The following FAM107B variants were observed in gnomAD, a reference collection of about 807,000 sequenced individuals.
FAM107B encodes the protein protein FAM107B.
Under a neutral mutation model 31.5 loss-of-function variants are expected in FAM107B, and 21 were observed. The ratio of observed to expected loss-of-function variants is 0.67; its 90% confidence interval spans 0.47 to 0.96. The LOEUF (loss-of-function observed/expected upper bound fraction) is 0.96. FAM107B is among the 40% of genes least tolerant of loss of function. The pLI, the probability that FAM107B is intolerant of heterozygous loss-of-function variation, is 0.00. For synonymous variants in FAM107B, 157 were observed against 141.5 expected (o/e 1.11, Z -0.78); for missense variants, 452 against 377.1 (o/e 1.20, Z -1.64).
chr10:14,545,886 C>T (rs11259175), intron 2 of FAM107B, among the ~76,000 whole-genome samples: 9,950 of 152,184 alleles, frequency 0.065, 435 homozygotes, highest in East Asian at 0.22. Flanking sequence ...TCTCAGGAAA[C>T]TACAAAGAGG....
At chr10:14,701,232 T>C (rs1241941230) in intron 1 of FAM107B, among the ~76,000 whole-genome samples, 2 of 152,028 alleles carry the variant, frequency 1.3e-5, no homozygotes, top group Non-Finnish European at 2.9e-5. Context: ...ATTATTTATT[T>C]CTTATTTTTA....
rs1051135576 is a variant in FAM107B, at chr10:14,690,474, G to A, written c.412-22783C>T. ...TTTTTTTATTTTTTTATTTTTTTGA[G>A]ATGGAGTCTCGCTCTGTCGCCCAGG... On this transcript the variant is annotated intron_variant, in intron 1 of 4. Coordinates refer to ENST00000181796, the MANE Select transcript of FAM107B (RefSeq NM_031453.4). Among the ~76,000 whole-genome samples, 9 of 151,220 alleles carry A rather than the reference G, an allele frequency of 6.0e-5. No homozygotes were observed. The South Asian group carries it at 8.4e-4, about 14-fold the overall frequency.
At chr10:14,648,039 G>T (rs1853803855) in intron 2 of FAM107B, among the ~76,000 whole-genome samples, 1 of 151,028 alleles carries the variant, frequency 6.6e-6, no homozygotes, top group Non-Finnish European at 1.5e-5. Flanking sequence ...TTCTTAAGAG[G>T]TTTAGCATAT....
chr10:14,559,810 C>A (rs938618040), intron 2 of FAM107B, among the ~76,000 whole-genome samples: 3 of 151,174 alleles, frequency 2.0e-5, no homozygotes, highest in African/African-American at 4.9e-5. Context: ...ACCTCGTGAT[C>A]CGCCCGTCTT....
At chr10:14,594,748 T>C (rs1039456882) in intron 2 of FAM107B, among the ~76,000 whole-genome samples, 2 of 152,138 alleles carry the variant, frequency 1.3e-5, no homozygotes, top group Non-Finnish European at 2.9e-5. Flanking sequence ...TGGAACTGCA[T>C]TGGTTGGTGC....
In FAM107B at chr10:14,774,778, G is replaced by C. The variant is rs114855063; in HGVS notation, c.-115C>G. The C allele has an allele frequency of 1.3e-3, 1,572 of 1,182,486 alleles. 16 individuals carry two copies. In the African/African-American group the frequency reaches 0.022, roughly 16 times the overall value. 73.2% of individuals were successfully genotyped at this position (1,182,486 alleles called of 1,614,324 possible). A position where few individuals can be genotyped will look rare whatever the true frequency, so the allele number is the denominator to read the frequency against. On this transcript the variant is annotated 5_prime_UTR_variant, in exon 1 of 5. Transcript: ENST00000181796. ...TCCAATTGCCCGAAGAGAAGAACTT[G>C]CTAGTGGTTGCCCCTAAATAGAAGT...
At chr10:14,604,549 G>T (rs12220115) in intron 2 of FAM107B, 2 of 151,398 alleles carry the variant, frequency 1.3e-5, no homozygotes, top group South Asian at 2.1e-4. Flanking sequence ...ATCCAGAAAG[G>T]CCGGGCATCC....
chr10:14,642,956 G>A (rs917062992), intron 2 of FAM107B, among the ~76,000 whole-genome samples: 1 of 151,956 alleles, frequency 6.6e-6, no homozygotes, highest in Non-Finnish European at 1.5e-5. Flanking sequence ...TATTTTTAGT[G>A]TGCACCCCCA....
intron 1 of FAM107B, among the ~76,000 whole-genome samples, chr10:14,719,206 T>C (rs1440204627): frequency 6.6e-6 from 1 of 152,078 alleles, no homozygotes; most frequent in Non-Finnish European, 1.5e-5. Flanking sequence ...CCTGCCCAAA[T>C]AACACACACT....
intron 1 of FAM107B, among the ~76,000 whole-genome samples, chr10:14,726,551 C>G (rs1346966593): frequency 6.6e-6 from 1 of 152,130 alleles, no homozygotes; most frequent in Non-Finnish European, 1.5e-5. Flanking sequence ...GGTAATATTC[C>G]AAGATAAAGA....
intron 2 of FAM107B, among the ~76,000 whole-genome samples, chr10:14,634,050 G>C (rs768023181): frequency 7.9e-5 from 12 of 152,090 alleles, no homozygotes; most frequent in Non-Finnish European, 1.3e-4. Context: ...GTCCCTAATT[G>C]AGTTATGCTT....
At chr10:14,559,533 G>A (rs1262911223) in intron 2 of FAM107B, among the ~76,000 whole-genome samples, 1 of 149,640 alleles carries the variant, frequency 6.7e-6, no homozygotes, top group Non-Finnish European at 1.5e-5. Flanking sequence ...CCAAACTTCA[G>A]TCCTATAAGC....
At chr10:14,734,770 A>C (rs1181166399) in intron 1 of FAM107B, among the ~76,000 whole-genome samples, 1 of 151,972 alleles carries the variant, frequency 6.6e-6, no homozygotes, top group Non-Finnish European at 1.5e-5. Flanking sequence ...ATTGAGATGG[A>C]GTCTTGCTCA....
chr10:14,664,683 C>T (rs146793718), intron 2 of FAM107B, among the ~76,000 whole-genome samples: 177 of 152,296 alleles, frequency 1.2e-3, no homozygotes, highest in African/African-American at 3.2e-3. Flanking sequence ...GACAAAATTG[C>T]CTAGTGACAC....
At chr10:14,691,895 A>C (rs923679667) in intron 1 of FAM107B, among the ~76,000 whole-genome samples, 2 of 90,524 alleles carry the variant, frequency 2.2e-5, no homozygotes, top group Non-Finnish European at 4.6e-5. Context: ...CTCTGTCACA[A>C]AAAAAAAAAA....
At chr10:14,646,196 T>C (rs1003438858) in intron 2 of FAM107B, among the ~76,000 whole-genome samples, 4 of 152,240 alleles carry the variant, frequency 2.6e-5, no homozygotes, top group Non-Finnish European at 5.9e-5. Context: ...ATGTTTTTTT[T>C]ATTTCAATAG....
intron 1 of FAM107B, among the ~76,000 whole-genome samples, chr10:14,749,765 A>G (rs1184505073): frequency 6.6e-6 from 1 of 152,156 alleles, no homozygotes; most frequent in Non-Finnish European, 1.5e-5. Context: ...GAAGTCCCTA[A>G]AATTGCCAGC....
chr10:14,634,554 G>A (rs1293145960), intron 2 of FAM107B, among the ~76,000 whole-genome samples: 1 of 151,930 alleles, frequency 6.6e-6, no homozygotes, highest in Non-Finnish European at 1.5e-5. Flanking sequence ...CAGTAATGAT[G>A]GAATTAACTC....
At position 14,582,375 on chromosome 10, in the gene FAM107B, C is replaced by CTTTT. The variant is rs71388188; in HGVS notation, c.470-51864_470-51861dup. 1.4e-3 allele frequency among the ~76,000 whole-genome samples: 157 copies of CTTTT among 112,020 alleles called. 1 individual carries two copies. The highest frequency in any genetic ancestry group is 4.4e-3 in the East Asian group (17 of 3,830). 73.5% of individuals were successfully genotyped at this position (112,020 alleles called of 152,430 possible). A position where few individuals can be genotyped will look rare whatever the true frequency, so the allele number is the denominator to read the frequency against. On this transcript the variant is annotated intron_variant, in intron 2 of 4. Transcript: ENST00000181796. The stretch of plus-strand genomic sequence containing the variant: ...CATGTTTGTTTTTGTTTTTTCTTTT[C>CTTTT]TTTTTTTTTTTTTTTTTTTGAGACA...
Sources: allele counts gnomAD v4.1 joint callset (sites outside exome capture counted in the v4.1 genomes callset), GRCh38; gene constraint gnomAD v4.1.1; transcripts MANE v1.5; gene names NCBI Gene and HGNC (gene_info 2026-07-23, HGNC 2026-07-21).